The following OSTF1 variants were observed in gnomAD, a reference collection of about 807,000 sequenced individuals.
OSTF1 encodes osteoclast stimulating factor 1.
Under a neutral mutation model 37.2 loss-of-function variants are expected in OSTF1, and 27 were observed. The observed-to-expected ratio is 0.73, with a 90% CI of 0.54 to 1.00. The LOEUF is 1.00. Among genes scored for constraint, OSTF1 ranks in the 50% least tolerant of loss-of-function variants. The pLI is 0.00. For missense variants in OSTF1, 232 were observed against 253.8 expected (o/e 0.91, Z 0.58); for synonymous variants, 82 against 89.2 (o/e 0.92, Z 0.46).
At chr9:75,094,842 G>C (rs1256723819) in intron 1 of OSTF1, among the ~76,000 whole-genome samples, 1 of 152,136 alleles carries the variant, frequency 6.6e-6, no homozygotes, top group Non-Finnish European at 1.5e-5. Context: ...CTAGGAGTTT[G>C]AGACCAGCCT....
At chr9:75,141,336 A>AAAAAAAAAAAAAAAG (rs1825940930) in intron 9 of OSTF1, among the ~76,000 whole-genome samples, 1 of 138,688 alleles carries the variant, frequency 7.2e-6, no homozygotes, top group Non-Finnish European at 1.6e-5. Context: ...AAAAAAAAAA[A>AAAAAAAAAAAAAAAG]AAAGATAAAC....
chr9:75,132,263 G>C (rs1201363414), intron 5 of OSTF1, among the ~76,000 whole-genome samples: 1 of 152,206 alleles, frequency 6.6e-6, no homozygotes, highest in Non-Finnish European at 1.5e-5. Flanking sequence ...ACAGCATTTA[G>C]GAGAGCGTTG....
Position 75,139,027 on chromosome 9 carries a change from C to CTTTCTTTCTTTCTTTCT in OSTF1, c.487+1413_487+1414insTCTTTCTTTCTTTCTTT, listed in dbSNP as rs566366498. ...TTCTTTGCCTTTAAATTTGGGGACA[C>CTTTCTTTCTTTCTTTCT]TTCTTTCTTTCTTTCTTTCTTTCTT... On this transcript the variant is annotated intron_variant, in intron 8 of 9. Coordinates refer to ENST00000346234, the MANE Select transcript of OSTF1 (RefSeq NM_012383.5). Among the ~76,000 whole-genome samples, 49 of 120,548 alleles carry CTTTCTTTCTTTCTTTCT rather than the reference C, an allele frequency of 4.1e-4. 1 individual carries two copies. The highest frequency in any genetic ancestry group is 4.3e-3 in the Middle Eastern group (1 of 232). The allele number at this position is 120,548 out of a possible 152,430, so 79.1% of individuals were successfully genotyped here.
chr9:75,111,219 C>T (rs542254660), intron 1 of OSTF1, among the ~76,000 whole-genome samples: 3 of 152,262 alleles, frequency 2.0e-5, no homozygotes, highest in Admixed American at 1.3e-4. Context: ...ACCTAGTTAC[C>T]CTTTGCCTGT....
intron 1 of OSTF1, among the ~76,000 whole-genome samples, chr9:75,106,998 A>AAAAG (rs1330945696): frequency 0.035 from 5,362 of 151,864 alleles, 305 homozygotes; most frequent in African/African-American, 0.12. Context: ...AAAAAAAAAA[A>AAAAG]AAAGCAGTGG....
chr9:75,089,606 C>T (rs2118348412), intron 1 of OSTF1, among the ~76,000 whole-genome samples: 1 of 152,268 alleles, frequency 6.6e-6, no homozygotes, highest in East Asian at 1.9e-4. Flanking sequence ...TATTTCAATA[C>T]TTTAACAACT....
rs866856569 is a variant in OSTF1, at chr9:75,100,551, G to T, written c.34+11825G>T. On this transcript the variant is annotated intron_variant, in intron 1 of 9. Transcript: ENST00000346234. ...TTGAGACCAGCCTGGCCAACATGGC[G>T]AAACCCTGTCTCTACTAAAAATACA... Among the ~76,000 whole-genome samples, 35 of 152,146 alleles carry T rather than the reference G, an allele frequency of 2.3e-4. 1 individual carries two copies. In the Middle Eastern group the frequency reaches 0.02, roughly 89 times the overall value.
intron 7 of OSTF1, among the ~76,000 whole-genome samples, chr9:75,135,127 G>T (rs757480193): frequency 1.3e-5 from 2 of 152,126 alleles, no homozygotes; most frequent in Non-Finnish European, 2.9e-5. Context: ...CATTTTTCTG[G>T]ATCCCTTGTC....
At chr9:75,115,817 A>G (rs532860783) in intron 1 of OSTF1, among the ~76,000 whole-genome samples, 8 of 152,208 alleles carry the variant, frequency 5.3e-5, no homozygotes, top group Admixed American at 3.3e-4. Context: ...AAAAATAACA[A>G]TATTGTTCAG....
In OSTF1 at chr9:75,114,581, C is replaced by G. The variant is rs552814723; in HGVS notation, c.35-2923C>G. Among the ~76,000 whole-genome samples, 18 of 145,094 alleles carry G rather than the reference C, an allele frequency of 1.2e-4. No individual in the cohort carries two copies. In the East Asian group the frequency reaches 3.4e-3, roughly 27 times the overall value. On this transcript the variant is annotated intron_variant, in intron 1 of 9. Transcript: ENST00000346234. ...TTTTTTTTTTTTTTTGAGACAGGGT[C>G]TCTCTCTGTCACCCAGGCTGGAGTG...
rs759304261 is a variant in OSTF1, at chr9:75,127,550, A to G, written c.82-19A>G. The G allele has an allele frequency of 6.8e-7, 1 of 1,471,148 alleles. No homozygotes were observed. Among genetic ancestry groups the G allele is most frequent in the Admixed American group, 2.0e-5 (1 of 49,282 alleles). 91.1% of individuals were successfully genotyped at this position (1,471,148 alleles called of 1,614,324 possible). ...TTCATGAAAAATCACATGGAGTCAA[A>G]CTTTTTTTTTTCTTCTAGCCAGATG... On this transcript the variant is annotated intron_variant, in intron 2 of 9. Coordinates refer to ENST00000346234, the MANE Select transcript of OSTF1 (RefSeq NM_012383.5).
intron 1 of OSTF1, among the ~76,000 whole-genome samples, chr9:75,103,114 C>T (rs1421243906): frequency 7.0e-6 from 1 of 142,286 alleles, no homozygotes; most frequent in Non-Finnish European, 1.5e-5. Flanking sequence ...TAATGATACT[C>T]TATCCCTACA....
In OSTF1 at chr9:75,128,489, TATATATTTTGTCC is replaced by T. The variant is rs1361970857; in HGVS notation, c.132+877_132+889del. On this transcript the variant is annotated intron_variant, in intron 3 of 9. Coordinates refer to ENST00000346234, the MANE Select transcript of OSTF1 (RefSeq NM_012383.5). ...TATATATTTTGTCCATATATATATA[TATATATTTTGTCC>T]ATATATATATATATATATTTTGTCC... Among the ~76,000 whole-genome samples the T allele has an allele frequency of 6.6e-4, 35 of 52,726 alleles. 11 individuals are homozygous for T. Among genetic ancestry groups the T allele is most frequent in the African/African-American group, 2.9e-3 (33 of 11,448 alleles). 34.6% of individuals were successfully genotyped at this position (52,726 alleles called of 152,430 possible). A position where few individuals can be genotyped will look rare whatever the true frequency, so the allele number is the denominator to read the frequency against.
chr9:75,124,251 C>G (rs1420475239), intron 2 of OSTF1, among the ~76,000 whole-genome samples: 1 of 152,184 alleles, frequency 6.6e-6, no homozygotes, highest in Non-Finnish European at 1.5e-5. Context: ...TCCAACCCCT[C>G]AAGCGTTTAT....
chr9:75,096,744 G>A (rs977199883), intron 1 of OSTF1, among the ~76,000 whole-genome samples: 1 of 152,228 alleles, frequency 6.6e-6, no homozygotes, highest in East Asian at 1.9e-4. Flanking sequence ...CATATTTGGG[G>A]AGAAGACGCT....
intron 7 of OSTF1, among the ~76,000 whole-genome samples, chr9:75,135,519 T>C (rs1825828747): frequency 6.6e-6 from 1 of 152,226 alleles, no homozygotes; most frequent in Admixed American, 6.5e-5. Context: ...GAATGCCCAT[T>C]AGTAGGATGT....
At chr9:75,101,863 G>C (rs1422334609) in intron 1 of OSTF1, among the ~76,000 whole-genome samples, 1 of 152,192 alleles carries the variant, frequency 6.6e-6, no homozygotes, top group Non-Finnish European at 1.5e-5. Context: ...TATCAGGTTT[G>C]AAAGAGGTTG....
At chr9:75,133,270 C>G in intron 5 of OSTF1, 24 bp from the exon 6 acceptor site, 3 of 1,396,020 alleles carry the variant, frequency 2.1e-6, no homozygotes, top group South Asian at 2.4e-5. Context: ...TTCTTGTGTT[C>G]TTGTAAATGT....
intron 9 of OSTF1, among the ~76,000 whole-genome samples, chr9:75,145,963 G>A (rs1485166885): frequency 6.6e-6 from 1 of 152,172 alleles, no homozygotes; most frequent in Non-Finnish European, 1.5e-5. Flanking sequence ...GATACTTAGA[G>A]ATCATGAAGA....
Sources: gnomAD v4.1 joint callset for allele counts (sites outside exome capture counted in the v4.1 genomes callset) on GRCh38, gnomAD v4.1.1 for gene constraint, MANE v1.5 for transcripts, NCBI Gene and HGNC (gene_info 2026-07-23, HGNC 2026-07-21) for gene names.